The following VGLL4 variants were observed in gnomAD, a reference collection of about 807,000 sequenced individuals.
VGLL4 encodes the protein transcription cofactor vestigial-like protein 4.
VGLL4 carries 7 observed loss-of-function variants against 21.0 expected under a neutral mutation model. That is an observed-to-expected ratio of 0.33 (90% confidence interval 0.19 to 0.63). The LOEUF (loss-of-function observed/expected upper bound fraction) is 0.63, where lower values mean the gene tolerates loss of function less well. Ranked by LOEUF, VGLL4 falls within the 20% of genes least tolerant of loss-of-function variation. The pLI is 0.78. For synonymous variants in VGLL4, 222 were observed against 173.2 expected, an observed-to-expected ratio of 1.28 and a Z score of -2.21; for missense variants, 394 against 425.7, an observed-to-expected ratio of 0.93 and a Z score of 0.66.
chr3:11,717,611 G>GATT, intron 1 of VGLL4, among the ~76,000 whole-genome samples: 1 of 149,632 alleles, frequency 6.7e-6, no homozygotes, highest in Middle Eastern at 3.5e-3. Flanking sequence ...AAAGTTCTGG[G>GATT]ATTACATAGG....
At chr3:11,625,053 T>C (rs2125305857) in intron 1 of VGLL4, among the ~76,000 whole-genome samples, 1 of 152,282 alleles carries the variant, frequency 6.6e-6, no homozygotes, top group East Asian at 1.9e-4. Flanking sequence ...TTACAAAATA[T>C]TTGCAAAAGA....
In VGLL4 at chr3:11,675,576, T is replaced by G. The variant is rs114066972; in HGVS notation, c.64+27395A>C. Among the ~76,000 whole-genome samples, 356 of 152,140 alleles carry G rather than the reference T, an allele frequency of 2.3e-3. 1 individual carries two copies. Among genetic ancestry groups the G allele is most frequent in the African/African-American group, 7.3e-3 (301 of 41,512 alleles). Reference sequence around the variant, plus strand: ...CACGGAGAAAGAAAAAATATAAAAGTGTAATATATAAGTTATCCATTCCAT... The same window carrying G: ...CACGGAGAAAGAAAAAATATAAAAGGGTAATATATAAGTTATCCATTCCAT... On this transcript the variant is annotated intron_variant, in intron 2 of 5. Coordinates refer to the VGLL4 transcript ENST00000273038.
In VGLL4 at chr3:11,558,341, G is replaced by T; in HGVS notation, c.*215C>A. 1 of 714,026 alleles carries T rather than the reference G, an allele frequency of 1.4e-6. No homozygotes were observed. Among genetic ancestry groups the T allele is most frequent in the Non-Finnish European group, 2.3e-6 (1 of 444,444 alleles). The allele number at this position is 714,026 out of a possible 1,614,324, so 44.2% of individuals were successfully genotyped here. ...ATGCTACATTAGACAGATGTTCCAC[G>T]CGTAGTTCCTGCTATCATGTTTGAG... On this transcript the variant is annotated 3_prime_UTR_variant, in exon 5 of 5. Coordinates refer to ENST00000430365, the MANE Select transcript of VGLL4 (RefSeq NM_001128219.3).
chr3:11,645,543 T>C (rs2075776774), upstream of VGLL4, among the ~76,000 whole-genome samples: 2 of 91,710 alleles, frequency 2.2e-5, no homozygotes, highest in African/African-American at 4.3e-5. Context: ...TGAGCCAAGA[T>C]TGCGCCACTG....
chr3:11,613,116 C>T (rs1174319954), intron 1 of VGLL4, among the ~76,000 whole-genome samples: 3 of 151,972 alleles, frequency 2.0e-5, no homozygotes, highest in African/African-American at 7.3e-5. Flanking sequence ...GCCAAGCCTC[C>T]GGAGGGACCC....
chr3:11,698,248 T>C (rs2076631601), intron 2 of VGLL4, among the ~76,000 whole-genome samples: 1 of 152,132 alleles, frequency 6.6e-6, no homozygotes, highest in South Asian at 2.1e-4. Context: ...CCTGTAATCC[T>C]AGGTGTGAGG....
intron 1 of VGLL4, among the ~76,000 whole-genome samples, chr3:11,625,058 A>G (rs2125305867): frequency 6.6e-6 from 1 of 152,348 alleles, no homozygotes; most frequent in Non-Finnish European, 1.5e-5. Context: ...AAATATTTGC[A>G]AAAGAAGAAC....
chr3:11,564,574 G>A (rs562623336), intron 3 of VGLL4, among the ~76,000 whole-genome samples: 26 of 150,920 alleles, frequency 1.7e-4, no homozygotes, highest in African/African-American at 2.9e-4. Context: ...GGCAAGGCCC[G>A]GGCAGGTCTG....
At chr3:11,579,338 C>T (rs961973609) in intron 2 of VGLL4, among the ~76,000 whole-genome samples, 3 of 152,066 alleles carry the variant, frequency 2.0e-5, no homozygotes, top group African/African-American at 7.2e-5. Flanking sequence ...CAATGGACAC[C>T]CTAATGACAA....
chr3:11,630,490 C>CA (rs1249462496), intron 1 of VGLL4, among the ~76,000 whole-genome samples: 6 of 151,778 alleles, frequency 4.0e-5, no homozygotes, highest in Non-Finnish European at 7.4e-5. Context: ...ACTAAACACA[C>CA]AAAAAATTAG....
rs10690353 is a variant in VGLL4 at position 11,713,568 on chromosome 3, T to TTATATATATATA, written c.-14+6814_-14+6825dup. On this transcript the variant is annotated intron_variant, in intron 1 of 5. Transcript: ENST00000273038. Reference sequence around the variant, plus strand: ...TGAGAACTGTGTGTATATATATTATTTATATATATATATATATATATATCT... The same window carrying TTATATATATATA: ...TGAGAACTGTGTGTATATATATTATTTATATATATATATATATATATATATATATATATATCT... Among the ~76,000 whole-genome samples the TTATATATATATA allele has an allele frequency of 9.3e-3, 1,304 of 140,202 alleles. 23 individuals carry two copies. Among genetic ancestry groups the TTATATATATATA allele is most frequent in the African/African-American group, 0.03 (1,108 of 36,928 alleles). 92.0% of individuals were successfully genotyped at this position (140,202 alleles called of 152,430 possible).
intron 3 of VGLL4, 166 bp downstream of exon 3, chr3:11,564,631 T>C: frequency 1.2e-6 from 1 of 810,336 alleles, no homozygotes; most frequent in Non-Finnish European, 1.9e-6. Flanking sequence ...CTGTCCCTTG[T>C]CCCAAGTGCA....
At chr3:11,654,269 G>T (rs2075923371) in intron 2 of VGLL4, among the ~76,000 whole-genome samples, 1 of 152,158 alleles carries the variant, frequency 6.6e-6, no homozygotes, top group Non-Finnish European at 1.5e-5. Context: ...GAGTTGAGGG[G>T]ATAGAAAGAC....
chr3:11,593,802 C>G (rs6769430), intron 2 of VGLL4, among the ~76,000 whole-genome samples: 21,623 of 152,130 alleles, frequency 0.14, 2,048 homozygotes, highest in African/African-American at 0.26. Flanking sequence ...ACACCAGGAC[C>G]GTGTTTCAAA....
rs1259758354 is a variant in VGLL4, at chr3:11,564,978, T to G, written c.314A>C (p.Glu105Ala). 6.5e-7 allele frequency: 1 copy of G among 1,530,546 alleles called. No homozygotes were observed. The highest frequency in any genetic ancestry group is 2.4e-5 in the East Asian group (1 of 41,592). 94.8% of individuals were successfully genotyped at this position (1,530,546 alleles called of 1,614,324 possible). Residue 105 changes from glutamate to alanine, a missense_variant, in exon 3 of 5, where the codon GAG (glutamate) becomes GCG (alanine). Coordinates refer to ENST00000430365, the MANE Select transcript of VGLL4 (RefSeq NM_001128219.3). ...ANGDCRRDPR[E>A]RSRSPIERAV... ...GCGCTCGATGGGGCTGCGGCTCCGC[T>G]CCCGGGGGTCTCTGCGGCAGTCTCC...
At chr3:11,657,201 C>G (rs1016447760) in intron 2 of VGLL4, among the ~76,000 whole-genome samples, 1 of 152,116 alleles carries the variant, frequency 6.6e-6, no homozygotes, top group Non-Finnish European at 1.5e-5. Flanking sequence ...GTTGTCTGCC[C>G]GAGCCCTAAA....
At chr3:11,664,041 A>C (rs1438275225) in intron 2 of VGLL4, among the ~76,000 whole-genome samples, 3 of 152,058 alleles carry the variant, frequency 2.0e-5, no homozygotes. Context: ...CACCTGAGGT[A>C]AGGAGTTCCA....
intron 1 of VGLL4, among the ~76,000 whole-genome samples, chr3:11,716,108 C>T (rs1238529259): frequency 6.6e-6 from 1 of 151,934 alleles, no homozygotes; most frequent in Non-Finnish European, 1.5e-5. Context: ...TCAAGACCAG[C>T]TTGGCCAACA....
chr3:11,703,599 A>G (rs1450246179), intron 1 of VGLL4, among the ~76,000 whole-genome samples: 2 of 152,264 alleles, frequency 1.3e-5, no homozygotes, highest in African/African-American at 4.8e-5. Flanking sequence ...TTTATCTAGC[A>G]TCATGTTTTT....
Sources: allele counts gnomAD v4.1 joint callset (sites outside exome capture counted in the v4.1 genomes callset), GRCh38; gene constraint gnomAD v4.1.1; transcripts MANE v1.5; gene names NCBI Gene and HGNC (gene_info 2026-07-23, HGNC 2026-07-21).